The following ABL1 variants were observed in gnomAD, a reference collection of about 807,000 sequenced individuals.
The protein encoded by ABL1 is ABL proto-oncogene 1, non-receptor tyrosine kinase.
A neutral mutation model predicts 94.7 loss-of-function variants in ABL1; 11 were observed. That is an observed-to-expected ratio of 0.12 (90% CI 0.07 to 0.19). The LOEUF is 0.19. ABL1 is among the 10% of genes least tolerant of loss of function. The pLI, the probability that ABL1 is intolerant of heterozygous loss-of-function variation, is 1.00. For missense variants in ABL1, 1,082 were observed against 1,489.4 expected, an observed-to-expected ratio of 0.73 and a Z score of 4.50; for synonymous variants, 656 against 622.4, an observed-to-expected ratio of 1.05 and a Z score of -0.80.
chr9:130,829,326 C>T (rs781114321), intron 1 of ABL1, among the ~76,000 whole-genome samples: 5 of 151,952 alleles, frequency 3.3e-5, no homozygotes, highest in Non-Finnish European at 4.4e-5. Context: ...TTTGGGAGGC[C>T]GAGGCGGGCA....
At chr9:130,859,842 G>A (rs764797266) in intron 3 of ABL1, among the ~76,000 whole-genome samples, 4 of 151,594 alleles carry the variant, frequency 2.6e-5, no homozygotes, top group Non-Finnish European at 4.4e-5. Flanking sequence ...CAGCATGCCC[G>A]GCTAATTTTT....
chr9:130,860,257 A>G (rs2855194), intron 3 of ABL1, among the ~76,000 whole-genome samples: 102,399 of 152,098 alleles, frequency 0.67, 34,864 homozygotes, highest in African/African-American at 0.8. Flanking sequence ...GCTGTGAACC[A>G]AATATGCGGT....
intron 1 of ABL1, among the ~76,000 whole-genome samples, chr9:130,847,954 C>T (rs1450456168): frequency 6.6e-6 from 1 of 152,152 alleles, no homozygotes; most frequent in Admixed American, 6.5e-5. Flanking sequence ...AGGCCACTTC[C>T]CCGATTATGT....
At chr9:130,834,109 GGTTT>G (rs1323409224), upstream of ABL1, 20 of 455,682 alleles carry the variant, frequency 4.4e-5, no homozygotes, top group African/African-American at 1.2e-4. Context: ...GCATCTGTGG[GGTTT>G]GTTTGTTTTT....
intron 1 of ABL1, among the ~76,000 whole-genome samples, chr9:130,785,800 G>A (rs1829818120): frequency 1.3e-5 from 2 of 151,818 alleles, no homozygotes; most frequent in African/African-American, 4.8e-5. Flanking sequence ...GTGCATGCCT[G>A]TAATCCCACC....
At chr9:130,718,231 T>C (rs970193496) in intron 1 of ABL1, among the ~76,000 whole-genome samples, 1 of 149,600 alleles carries the variant, frequency 6.7e-6, no homozygotes, top group African/African-American at 2.5e-5. Flanking sequence ...GGCAGGAGAA[T>C]ATCTTGAGCC....
chr9:130,723,792 GT>G (rs1831544392), intron 1 of ABL1, among the ~76,000 whole-genome samples: 1 of 151,812 alleles, frequency 6.6e-6, no homozygotes. Flanking sequence ...AGGTAGGTTT[GT>G]TTTTTATTTT....
intron 1 of ABL1, among the ~76,000 whole-genome samples, chr9:130,813,792 T>G (rs1397908745): frequency 6.6e-6 from 1 of 152,076 alleles, no homozygotes; most frequent in Non-Finnish European, 1.5e-5. Context: ...AAGGGAAATT[T>G]ATATAGTGCA....
At chr9:130,776,060 T>C (rs1264022418) in intron 1 of ABL1, among the ~76,000 whole-genome samples, 2 of 152,220 alleles carry the variant, frequency 1.3e-5, no homozygotes, top group African/African-American at 2.4e-5. Flanking sequence ...AAAGGAACTT[T>C]TATACTTTCA....
intron 1 of ABL1, among the ~76,000 whole-genome samples, chr9:130,718,192 C>T (rs1470564468): frequency 1.3e-5 from 2 of 151,454 alleles, no homozygotes. Context: ...GTGGCATGCA[C>T]CTGTAATCTC....
intron 1 of ABL1, among the ~76,000 whole-genome samples, chr9:130,849,181 G>A (rs1830819620): frequency 6.6e-6 from 1 of 152,062 alleles, no homozygotes; most frequent in Admixed American, 6.6e-5. Flanking sequence ...TTTTATGCAT[G>A]CAGCATAAAC....
At chr9:130,739,097 T>C (rs1831782471) in intron 1 of ABL1, among the ~76,000 whole-genome samples, 1 of 152,212 alleles carries the variant, frequency 6.6e-6, no homozygotes, top group South Asian at 2.1e-4. Context: ...TTTCACTATG[T>C]TGGCCAGGCT....
intron 1 of ABL1, among the ~76,000 whole-genome samples, chr9:130,816,356 T>C (rs998773360): frequency 6.6e-6 from 1 of 152,090 alleles, no homozygotes; most frequent in African/African-American, 2.4e-5. Flanking sequence ...AAAATTTTTT[T>C]TGTGGAGATG....
At chr9:130,806,022 T>C (rs1438233076) in intron 1 of ABL1, among the ~76,000 whole-genome samples, 1 of 152,122 alleles carries the variant, frequency 6.6e-6, no homozygotes, top group African/African-American at 2.4e-5. Context: ...GCAAATGATT[T>C]AAAATAGGAA....
intron 1 of ABL1, among the ~76,000 whole-genome samples, chr9:130,807,885 A>G (rs914114709): frequency 6.0e-5 from 9 of 151,080 alleles, no homozygotes; most frequent in Non-Finnish European, 1.2e-4. Context: ...TTTAGTTGAG[A>G]TGGGGTTTCA....
intron 1 of ABL1, among the ~76,000 whole-genome samples, chr9:130,847,843 A>G (rs925206980): frequency 4.6e-5 from 7 of 152,142 alleles, no homozygotes; most frequent in African/African-American, 1.7e-4. Context: ...CATTCCCAGC[A>G]TCTGTCGACA....
chr9:130,868,509 TTTTTCTTTTTC>T (rs999968017), intron 4 of ABL1, among the ~76,000 whole-genome samples: 2 of 142,444 alleles, frequency 1.4e-5, no homozygotes, highest in Non-Finnish European at 3.0e-5. Flanking sequence ...AGCCATTTCT[TTTTTCTTTTTC>T]TTTTTTTTTT....
chr9:130,756,771 G>A (rs1323213220), intron 1 of ABL1, among the ~76,000 whole-genome samples: 1 of 152,194 alleles, frequency 6.6e-6, no homozygotes, highest in Non-Finnish European at 1.5e-5. Context: ...TGTTCTAATA[G>A]GGATGCCTGA....
intron 1 of ABL1, among the ~76,000 whole-genome samples, chr9:130,801,761 G>C (rs926133720): frequency 4.6e-5 from 7 of 152,290 alleles, no homozygotes; most frequent in East Asian, 1.9e-4. Context: ...TGAGAAGTCA[G>C]CCCTTCATTG....
Sources: gnomAD v4.1 joint callset for allele counts (sites outside exome capture counted in the v4.1 genomes callset) on GRCh38, gnomAD v4.1.1 for gene constraint, MANE v1.5 for transcripts, NCBI Gene and HGNC (gene_info 2026-07-23, HGNC 2026-07-21) for gene names.